ORC4: variants seen among roughly 807,000 people sequenced by gnomAD.
ORC4 encodes the protein origin recognition complex, subunit 4 homolog.
A neutral mutation model predicts 63.9 loss-of-function variants in ORC4; 55 were observed. That is an observed-to-expected ratio of 0.86 (90% CI 0.69 to 1.08). ORC4 has a LOEUF of 1.08. ORC4 is among the 50% of genes least tolerant of loss of function. The probability of loss-of-function intolerance (pLI) is 0.00; values close to 1 mark genes in which losing one functional copy is unlikely to be tolerated. For missense variants in ORC4, 511 were observed against 504.4 expected (o/e 1.01, Z -0.13); for synonymous variants, 150 against 168.5 (o/e 0.89, Z 0.85).
At chr2:147,960,081 A>C (rs1490325364) in intron 4 of ORC4, among the ~76,000 whole-genome samples, 1 of 151,976 alleles carries the variant, frequency 6.6e-6, no homozygotes, top group Non-Finnish European at 1.5e-5. Flanking sequence ...CTAGGTTATG[A>C]TTTTGTTTTA....
At chr2:147,936,656 T>C (rs538395183) in intron 13 of ORC4, 1 of 152,262 alleles carries the variant, frequency 6.6e-6, no homozygotes, top group African/African-American at 2.4e-5. Flanking sequence ...CTGTGCAGAT[T>C]TAAAACATTT....
chr2:147,972,713 A>C lies in ORC4; in HGVS notation c.225+26T>G, dbSNP rs1008459350. On this transcript the variant is annotated intron_variant, in intron 4 of 13. Coordinates refer to ENST00000392857, the MANE Select transcript of ORC4 (RefSeq NM_181741.4). ...AAAATAAGAATCATCACATGCCAAC[A>C]AACACCAGAAATCAACAGCTTTTAC... The C allele has an allele frequency of 2.8e-6, 4 of 1,426,374 alleles. No individual in the cohort carries two copies. In the African/African-American group the frequency reaches 5.6e-5, roughly 20 times the overall value. The allele number at this position is 1,426,374 out of a possible 1,614,324, so 88.4% of individuals were successfully genotyped here.
At chr2:147,978,206 T>C (rs1175683717) in intron 1 of ORC4, among the ~76,000 whole-genome samples, 1 of 152,218 alleles carries the variant, frequency 6.6e-6, no homozygotes, top group Admixed American at 6.5e-5. Flanking sequence ...GGGACTGAAA[T>C]CTGCCTGCCT....
chr2:147,983,994 G>C (rs189352464), intron 1 of ORC4, among the ~76,000 whole-genome samples: 2 of 152,286 alleles, frequency 1.3e-5, no homozygotes, highest in African/African-American at 2.4e-5. Context: ...TGGCAGAACG[G>C]TTCTGAATAT....
chr2:148,009,618 A>G (rs908365110), intron 1 of ORC4, among the ~76,000 whole-genome samples: 4 of 152,240 alleles, frequency 2.6e-5, no homozygotes, highest in Non-Finnish European at 5.9e-5. Context: ...AACCCAATAC[A>G]GTAATGACTT....
chr2:147,935,407 A>G lies in ORC4; in HGVS notation c.*103T>C. The G allele has an allele frequency of 1.1e-6, 1 of 881,038 alleles. No homozygotes were observed. Among genetic ancestry groups the G allele is most frequent in the Non-Finnish European group, 1.9e-6 (1 of 533,372 alleles). 54.6% of individuals were successfully genotyped at this position (881,038 alleles called of 1,614,324 possible). On this transcript the variant is annotated 3_prime_UTR_variant, in exon 14 of 14. Transcript: ENST00000392857. ...GATGGGCAAGTCTCACATAAATACA[A>G]GAATGTTTATAGAATGTTTAGCATA...
chr2:148,012,361 C>G (rs1693022341), intron 1 of ORC4, among the ~76,000 whole-genome samples: 1 of 152,140 alleles, frequency 6.6e-6, no homozygotes, highest in Non-Finnish European at 1.5e-5. Context: ...AGGACAGTCT[C>G]TTCAATAAAT....
At chr2:148,010,445 C>A (rs1692894130) in intron 1 of ORC4, among the ~76,000 whole-genome samples, 2 of 151,368 alleles carry the variant, frequency 1.3e-5, no homozygotes, top group Admixed American at 1.3e-4. Flanking sequence ...AATCAATGAA[C>A]CTTTACCCAG....
intron 1 of ORC4, among the ~76,000 whole-genome samples, 198 bp from the exon 2 acceptor site, chr2:147,976,173 C>T (rs1690542610): frequency 6.6e-6 from 1 of 152,088 alleles, no homozygotes; most frequent in South Asian, 2.1e-4. Flanking sequence ...ACTTTAGGCA[C>T]ACTTTGTTTT....
intron 6 of ORC4, among the ~76,000 whole-genome samples, chr2:147,957,743 TTTC>T (rs1689343233): frequency 6.6e-6 from 1 of 152,280 alleles, no homozygotes; most frequent in East Asian, 1.9e-4. Context: ...TAATGTTTTC[TTTC>T]TTCTTCAAAA....
At chr2:148,001,104 A>G (rs540984922) in intron 1 of ORC4, among the ~76,000 whole-genome samples, 1 of 152,106 alleles carries the variant, frequency 6.6e-6, no homozygotes, top group East Asian at 1.9e-4. Context: ...CCTTCCTGGG[A>G]TTAAGCAAAT....
intron 1 of ORC4, among the ~76,000 whole-genome samples, chr2:148,008,547 G>A (rs1418278341): frequency 6.6e-6 from 1 of 151,846 alleles, no homozygotes; most frequent in Non-Finnish European, 1.5e-5. Context: ...AACCTTTTTC[G>A]ATTACCTACT....
chr2:147,983,315 C>CAGA (rs1691000079), intron 1 of ORC4, among the ~76,000 whole-genome samples: 1 of 152,216 alleles, frequency 6.6e-6, no homozygotes. Flanking sequence ...GGAACCGATT[C>CAGA]ACTCAATGAG....
At chr2:147,959,093 C>T (rs1455778218) in intron 4 of ORC4, among the ~76,000 whole-genome samples, 5 of 151,920 alleles carry the variant, frequency 3.3e-5, no homozygotes, top group African/African-American at 2.4e-5. Flanking sequence ...ATCACCTACC[C>T]GAACTTTTAA....
chr2:147,985,148 CTGTT>C (rs1691121788), intron 1 of ORC4, among the ~76,000 whole-genome samples: 1 of 152,180 alleles, frequency 6.6e-6, no homozygotes, highest in South Asian at 2.1e-4. Context: ...TAGACTAACT[CTGTT>C]TGGCCAACAA....
In ORC4 at chr2:147,958,395, T is replaced by C. The variant is rs1460264432; in HGVS notation, c.302-12A>G. 1 of 1,593,302 alleles carries C rather than the reference T, an allele frequency of 6.3e-7. No individual in the cohort carries two copies. Among genetic ancestry groups the C allele is most frequent in the Non-Finnish European group, 8.6e-7 (1 of 1,162,024 alleles). The stretch of plus-strand genomic sequence containing the variant: ...GATCTGCAGCAGTCCTAAAATAAAG[T>C]CCATTTAAAAGTATTTAATTAAAAT... On this transcript the variant is annotated splice_polypyrimidine_tract_variant and intron_variant, in intron 5 of 13. Transcript: ENST00000392857.
At position 147,958,874 on chromosome 2, in the gene ORC4, T is replaced by A. The variant is rs750241677; in HGVS notation, c.226-8A>T. 1 of 1,134,146 alleles carries A rather than the reference T, an allele frequency of 8.8e-7. No homozygotes were observed. The highest frequency in any genetic ancestry group is 2.0e-4 in the Middle Eastern group (1 of 5,026). 70.3% of individuals were successfully genotyped at this position (1,134,146 alleles called of 1,614,324 possible). A position where few individuals can be genotyped will look rare whatever the true frequency, so the allele number is the denominator to read the frequency against. ...CAAAGCATGATTTATTAACTAAATA[T>A]GAAAAGTTTATGAAATAATAATAGG... On this transcript the variant is annotated splice_region_variant and splice_polypyrimidine_tract_variant and intron_variant, in intron 4 of 13. Transcript: ENST00000392857.
At chr2:147,966,862 T>C (rs1213633662) in intron 4 of ORC4, among the ~76,000 whole-genome samples, 1 of 152,140 alleles carries the variant, frequency 6.6e-6, no homozygotes, top group Non-Finnish European at 1.5e-5. Flanking sequence ...GAGGCCAGCA[T>C]AACCCTGACA....
chr2:147,960,420 AAT>A (rs1689521590), intron 4 of ORC4: 1 of 823,530 alleles, frequency 1.2e-6, no homozygotes, highest in East Asian at 1.2e-4. Context: ...TTTTTTCTTG[AAT>A]ATGTTATCAT....
Sources: gnomAD v4.1 joint callset for allele counts (sites outside exome capture counted in the v4.1 genomes callset) on GRCh38, gnomAD v4.1.1 for gene constraint, MANE v1.5 for transcripts, NCBI Gene and HGNC (gene_info 2026-07-23, HGNC 2026-07-21) for gene names.